KCNIP4: variants seen among roughly 807,000 people sequenced by gnomAD.
KCNIP4 encodes potassium voltage-gated channel interacting protein 4, also known as Kv channel-interacting protein 4.
In KCNIP4, 12 loss-of-function variants were observed where a neutral mutation model predicts 34.0. The observed-to-expected ratio is 0.35, with a 90% CI of 0.23 to 0.57. The LOEUF is 0.57. Among genes scored for constraint, KCNIP4 ranks in the 20% least tolerant of loss-of-function variants. The probability of loss-of-function intolerance (pLI) is 0.83; values close to 1 mark genes in which losing one functional copy is unlikely to be tolerated. For missense variants in KCNIP4, 238 were observed against 311.7 expected (o/e 0.76, Z 1.78); for synonymous variants, 124 against 102.2 (o/e 1.21, Z -1.29).
chr4:21,364,776 C>A (rs1452806813), intron 1 of KCNIP4, among the ~76,000 whole-genome samples: 1 of 151,922 alleles, frequency 6.6e-6, no homozygotes, highest in Non-Finnish European at 1.5e-5. Context: ...TAACATGAGA[C>A]AAGAACAATG....
chr4:21,170,579 G>C (rs976831583), intron 1 of KCNIP4, among the ~76,000 whole-genome samples: 1 of 152,026 alleles, frequency 6.6e-6, no homozygotes, highest in Non-Finnish European at 1.5e-5. Context: ...GAACAAAGAG[G>C]CCAAAACAAG....
At chr4:21,605,271 G>A (rs17485934) in intron 1 of KCNIP4, among the ~76,000 whole-genome samples, 21,425 of 152,174 alleles carry the variant, frequency 0.14, 1,959 homozygotes, top group South Asian at 0.21. Context: ...ATTGGAAAAG[G>A]CTAACAAACA....
chr4:21,698,181 T>C (rs1712543228), intron 1 of KCNIP4, among the ~76,000 whole-genome samples: 1 of 152,206 alleles, frequency 6.6e-6, no homozygotes, highest in Admixed American at 6.5e-5. Context: ...TTCTTCTTCA[T>C]GGGCTTAGAG....
At chr4:21,842,576 T>A (rs1222221634) in intron 1 of KCNIP4, among the ~76,000 whole-genome samples, 1 of 152,122 alleles carries the variant, frequency 6.6e-6, no homozygotes, top group African/African-American at 2.4e-5. Flanking sequence ...CTTTTACGCA[T>A]TTTATGTACA....
intron 1 of KCNIP4, among the ~76,000 whole-genome samples, chr4:21,519,733 TATGTATG>T (rs1735307061): frequency 8.1e-6 from 1 of 123,056 alleles, no homozygotes; most frequent in Non-Finnish European, 1.6e-5. Context: ...CACGTGTGTA[TATGTATG>T]ATACACACGT....
intron 2 of KCNIP4, among the ~76,000 whole-genome samples, chr4:20,875,870 T>A (rs931658369): frequency 3.9e-5 from 6 of 152,210 alleles, no homozygotes; most frequent in Non-Finnish European, 7.3e-5. Context: ...ATGATCAATA[T>A]GCTACCGGGA....
At chr4:20,983,805 C>T (rs1736325130) in intron 1 of KCNIP4, 1 of 1,535,912 alleles carries the variant, frequency 6.5e-7, no homozygotes, top group Non-Finnish European at 8.7e-7. Flanking sequence ...ACTGGAGCGA[C>T]CACTTTACCT....
intron 1 of KCNIP4, among the ~76,000 whole-genome samples, chr4:21,049,949 T>C (rs887058791): frequency 2.6e-5 from 4 of 152,228 alleles, no homozygotes; most frequent in East Asian, 3.8e-4. Context: ...GTGACTCTCA[T>C]GCATCTTGCA....
intron 1 of KCNIP4, among the ~76,000 whole-genome samples, chr4:21,816,577 C>A (rs1327003604): frequency 2.6e-5 from 4 of 152,118 alleles, no homozygotes; most frequent in Non-Finnish European, 4.4e-5. Context: ...CCCTTTCTCC[C>A]AGTACACAGC....
At chr4:21,347,199 A>T (rs990716156) in intron 1 of KCNIP4, among the ~76,000 whole-genome samples, 1 of 152,208 alleles carries the variant, frequency 6.6e-6, no homozygotes, top group Non-Finnish European at 1.5e-5. Context: ...TAGGAGCCAA[A>T]CAATGAACAA....
chr4:20,826,000 T>C (rs1717711190), intron 3 of KCNIP4, among the ~76,000 whole-genome samples: 1 of 152,036 alleles, frequency 6.6e-6, no homozygotes, highest in Non-Finnish European at 1.5e-5. Context: ...TAGCAGACTT[T>C]TTTTTTTTTT....
intron 1 of KCNIP4, among the ~76,000 whole-genome samples, chr4:20,914,199 A>G (rs1047648091): frequency 4.6e-5 from 7 of 152,140 alleles, no homozygotes; most frequent in African/African-American, 1.7e-4. Flanking sequence ...CAGGCATTCA[A>G]TAAGTACTTA....
At chr4:21,823,483 T>C (rs1041788474) in intron 1 of KCNIP4, among the ~76,000 whole-genome samples, 15 of 149,442 alleles carry the variant, frequency 1.0e-4, no homozygotes, top group African/African-American at 3.5e-4. Context: ...CAAACATAAA[T>C]GTGCATGCCA....
chr4:21,939,121 C>T (rs553280556), intron 1 of KCNIP4, among the ~76,000 whole-genome samples: 3 of 152,100 alleles, frequency 2.0e-5, no homozygotes, highest in African/African-American at 4.8e-5. Flanking sequence ...TCTTAAATTG[C>T]AATTCTTCTA....
chr4:21,294,264 A>G (rs1560262703), intron 1 of KCNIP4, among the ~76,000 whole-genome samples: 1 of 152,126 alleles, frequency 6.6e-6, no homozygotes, highest in African/African-American at 2.4e-5. Flanking sequence ...TGAATGCCTG[A>G]GCACCAGGCA....
intron 1 of KCNIP4, among the ~76,000 whole-genome samples, chr4:21,001,750 A>T (rs1738156646): frequency 6.6e-6 from 1 of 152,198 alleles, no homozygotes; most frequent in Non-Finnish European, 1.5e-5. Flanking sequence ...CACTTAGCAG[A>T]TAAGGAAATT....
chr4:21,223,527 G>C (rs1358567876), intron 1 of KCNIP4, among the ~76,000 whole-genome samples: 2 of 152,164 alleles, frequency 1.3e-5, no homozygotes, highest in East Asian at 1.9e-4. Flanking sequence ...CTGTGCATCA[G>C]TTTCCTCATC....
chr4:21,138,588 T>G (rs1321370514), intron 1 of KCNIP4, among the ~76,000 whole-genome samples: 1 of 152,106 alleles, frequency 6.6e-6, no homozygotes, highest in Admixed American at 6.6e-5. Context: ...GGCAGAATTA[T>G]GGCCTCATGA....
chr4:20,931,141 T>A (rs1730423770), intron 1 of KCNIP4, among the ~76,000 whole-genome samples: 1 of 150,450 alleles, frequency 6.6e-6, no homozygotes, highest in African/African-American at 2.4e-5. Context: ...AACCTAAGAG[T>A]CAGGTTGACA....
Sources: allele counts gnomAD v4.1 joint callset (sites outside exome capture counted in the v4.1 genomes callset), GRCh38; gene constraint gnomAD v4.1.1; transcripts MANE v1.5; gene names NCBI Gene and HGNC (gene_info 2026-07-23, HGNC 2026-07-21).